Variants in MLIP observed in about 807,000 individuals in gnomAD.
MLIP encodes the protein muscular LMNA-interacting protein.
MLIP carries 79 observed loss-of-function variants against 84.8 expected under a neutral mutation model. That is an observed-to-expected ratio of 0.93 (90% CI 0.78 to 1.12). The LOEUF is 1.12. MLIP is among the 50% of genes most tolerant of loss of function. The probability of loss-of-function intolerance (pLI) is 0.00; values close to 1 mark genes in which losing one functional copy is unlikely to be tolerated. For synonymous variants in MLIP, 504 were observed against 463.0 expected, an observed-to-expected ratio of 1.09 and a Z score of -1.14; for missense variants, 1,257 against 1,160.6, an observed-to-expected ratio of 1.08 and a Z score of -1.21.
chr6:54,265,603 C>T (rs1783640574), intron 13 of MLIP, among the ~76,000 whole-genome samples: 2 of 152,128 alleles, frequency 1.3e-5, no homozygotes, highest in African/African-American at 4.8e-5. Context: ...AGTCATCAGC[C>T]AAGTCATGGA....
At chr6:54,129,664 G>A (rs1771219521) in intron 3 of MLIP, among the ~76,000 whole-genome samples, 1 of 152,200 alleles carries the variant, frequency 6.6e-6, no homozygotes, top group East Asian at 1.9e-4. Flanking sequence ...AAACGTTCAT[G>A]TTGGATTCAG....
In MLIP at chr6:54,234,937, T is replaced by C. The variant is rs547465159; in HGVS notation, c.2922+4020T>C. ...GTACTGATAAGTCTCAAATCTACAC[T>C]TCCCATTCTGCTTCTCCACTGAGAT... On this transcript the variant is annotated intron_variant, in intron 12 of 13. Transcript: ENST00000502396. Among the ~76,000 whole-genome samples the C allele has an allele frequency of 2.2e-4, 33 of 152,300 alleles. No homozygotes were observed. In the East Asian group the frequency reaches 6.2e-3, roughly 29 times the overall value.
At chr6:54,238,547 C>T (rs902660382) in intron 12 of MLIP, among the ~76,000 whole-genome samples, 2 of 152,168 alleles carry the variant, frequency 1.3e-5, no homozygotes, top group African/African-American at 4.8e-5. Flanking sequence ...AGTCTCTACT[C>T]TGCCAAGTTT....
chr6:54,033,998 T>TATATTTGG (rs1764285435), intron 1 of MLIP, among the ~76,000 whole-genome samples: 1 of 152,168 alleles, frequency 6.6e-6, no homozygotes, highest in African/African-American at 2.4e-5. Context: ...AAGAGGGAAA[T>TATATTTGG]ATATTTGGAT....
intron 1 of MLIP, among the ~76,000 whole-genome samples, chr6:54,087,206 A>G (rs79848050): frequency 0.027 from 4,141 of 152,292 alleles, 117 homozygotes; most frequent in African/African-American, 0.079. Flanking sequence ...CTAATATGGC[A>G]TCAAAGCCAA....
chr6:54,081,352 G>A (rs908251544), intron 1 of MLIP, among the ~76,000 whole-genome samples: 1 of 152,064 alleles, frequency 6.6e-6, no homozygotes, highest in African/African-American at 2.4e-5. Context: ...AAAATGAGGA[G>A]AAAAGCAGTG....
chr6:54,120,504 G>T (rs1770355338), intron 1 of MLIP, among the ~76,000 whole-genome samples: 1 of 152,222 alleles, frequency 6.6e-6, no homozygotes, highest in African/African-American at 2.4e-5. Flanking sequence ...CTCCCAAAGT[G>T]CTGGGATTAC....
chr6:54,193,294 G>A (rs1436862804), intron 10 of MLIP, among the ~76,000 whole-genome samples: 2 of 152,252 alleles, frequency 1.3e-5, no homozygotes, highest in Middle Eastern at 3.4e-3. Context: ...TTGGAATAAC[G>A]ACTCTGTCAG....
chr6:54,086,373 C>A (rs1767490778), intron 1 of MLIP, among the ~76,000 whole-genome samples: 1 of 152,134 alleles, frequency 6.6e-6, no homozygotes, highest in Non-Finnish European at 1.5e-5. Context: ...CTCTTCTTAC[C>A]CCACCTATTT....
At chr6:54,257,202 G>T in intron 12 of MLIP, 106 bp from the exon 13 acceptor site, 1 of 762,460 alleles carries the variant, frequency 1.3e-6, no homozygotes. Context: ...ACTGTTATCT[G>T]CAATAAAATA....
At chr6:54,222,058 A>G (rs953286090) in intron 11 of MLIP, among the ~76,000 whole-genome samples, 17 of 152,110 alleles carry the variant, frequency 1.1e-4, no homozygotes, top group African/African-American at 4.1e-4. Context: ...TTATTCTCTA[A>G]CTTTATTGAG....
In MLIP at chr6:54,169,648, C is replaced by T. The variant is rs933703987; in HGVS notation, c.2544+76C>T. The T allele has an allele frequency of 1.1e-5, 10 of 877,254 alleles. No individual in the cohort carries two copies. The African/African-American group carries it at 1.6e-4, about 14-fold the overall frequency. The allele number at this position is 877,254 out of a possible 1,614,324, so 54.3% of individuals were successfully genotyped here. A position where few individuals can be genotyped will look rare whatever the true frequency, so the allele number is the denominator to read the frequency against. Reference sequence around the variant, plus strand: ...ATGCTTTAGAGAGAACACTATTATACAGTAATTTAAATAGAATTAATTGTT... The same window carrying T: ...ATGCTTTAGAGAGAACACTATTATATAGTAATTTAAATAGAATTAATTGTT... On this transcript the variant is annotated intron_variant, in intron 9 of 13. Coordinates refer to ENST00000502396, the MANE Select transcript of MLIP (RefSeq NM_001281747.2).
intron 8 of MLIP, among the ~76,000 whole-genome samples, chr6:54,162,406 G>A (rs1357818229): frequency 1.3e-5 from 2 of 152,042 alleles, no homozygotes; most frequent in African/African-American, 2.4e-5. Context: ...GAGAAACTGG[G>A]TTAAGCACTG....
chr6:54,224,764 T>C (rs911082968), intron 11 of MLIP, among the ~76,000 whole-genome samples: 4 of 150,984 alleles, frequency 2.6e-5, no homozygotes, highest in Non-Finnish European at 5.9e-5. Flanking sequence ...GTCCCCAAAG[T>C]TCATTGTATC....
At chr6:54,055,327 T>A (rs1390283970) in intron 1 of MLIP, among the ~76,000 whole-genome samples, 2 of 152,166 alleles carry the variant, frequency 1.3e-5, no homozygotes, top group Admixed American at 6.5e-5. Context: ...ATATTGAAAA[T>A]GAGGTTATAT....
At chr6:54,019,195 A>G in intron 1 of MLIP, 19 of 1,160,004 alleles carry the variant, frequency 1.6e-5, no homozygotes, top group Non-Finnish European at 2.1e-5. Flanking sequence ...CTCTGTTTCC[A>G]TGTTTTGCTG....
chr6:54,131,175 T>G (rs1771343464), intron 3 of MLIP, among the ~76,000 whole-genome samples: 1 of 152,184 alleles, frequency 6.6e-6, no homozygotes, highest in Non-Finnish European at 1.5e-5. Flanking sequence ...TTCTCCTGGT[T>G]TCTGTAGATC....
At chr6:54,232,786 C>T (rs1457634111) in intron 12 of MLIP, among the ~76,000 whole-genome samples, 2 of 152,198 alleles carry the variant, frequency 1.3e-5, no homozygotes, top group Non-Finnish European at 2.9e-5. Flanking sequence ...ATTCCCAAGT[C>T]TGACCTTACA....
rs139902807 is a variant in MLIP at position 54,136,298 on chromosome 6, G to A, written c.646-417G>A. Among the ~76,000 whole-genome samples the A allele has an allele frequency of 2.1e-3, 313 of 152,146 alleles. 2 individuals are homozygous for A. Among genetic ancestry groups the A allele is most frequent in the African/African-American group, 7.2e-3 (299 of 41,510 alleles). On this transcript the variant is annotated intron_variant, in intron 3 of 13. Transcript: ENST00000502396. ...TAAAGTTTTTTTAAGACTTGTAGTC[G>A]TTATTATAATATCATCCTTTATATT...
Sources: gnomAD v4.1 joint callset for allele counts (sites outside exome capture counted in the v4.1 genomes callset) on GRCh38, gnomAD v4.1.1 for gene constraint, MANE v1.5 for transcripts, NCBI Gene and HGNC (gene_info 2026-07-23, HGNC 2026-07-21) for gene names.